The following KLHL8 variants were observed in gnomAD, a reference collection of about 807,000 sequenced individuals.
KLHL8 encodes the protein kelch-like protein 8.
Under a neutral mutation model 63.5 loss-of-function variants are expected in KLHL8, and 38 were observed. The ratio of observed to expected loss-of-function variants is 0.60; its 90% CI spans 0.46 to 0.78. The LOEUF is 0.78. Ranked by LOEUF, KLHL8 falls within the 30% of genes least tolerant of loss-of-function variation. The probability of loss-of-function intolerance (pLI) is 0.00; values close to 1 mark genes in which losing one functional copy is unlikely to be tolerated. For synonymous variants in KLHL8, 224 were observed against 254.3 expected (o/e 0.88, Z 1.13); for missense variants, 566 against 752.4 (o/e 0.75, Z 2.90).
chr4:87,178,237 T>C (rs1404696608), intron 5 of KLHL8, among the ~76,000 whole-genome samples: 1 of 152,240 alleles, frequency 6.6e-6, no homozygotes, highest in Non-Finnish European at 1.5e-5. Flanking sequence ...TTTAGTTTTT[T>C]GGTAACTATA....
chr4:87,205,672 C>A (rs1029603689), intron 1 of KLHL8, among the ~76,000 whole-genome samples: 1 of 152,086 alleles, frequency 6.6e-6, no homozygotes, highest in Non-Finnish European at 1.5e-5. Context: ...CCATGTTGCC[C>A]AGGCTGGTCT....
intron 1 of KLHL8, among the ~76,000 whole-genome samples, chr4:87,214,654 C>T (rs916577669): frequency 5.3e-5 from 8 of 151,828 alleles, no homozygotes; most frequent in African/African-American, 1.9e-4. Flanking sequence ...AAAGCCCAAG[C>T]TCTTATCACT....
chr4:87,163,795 G>T, intron 9 of KLHL8, 83 bp downstream of exon 9: 1 of 1,529,170 alleles, frequency 6.5e-7, no homozygotes, highest in South Asian at 1.2e-5. Flanking sequence ...TATTAACTAC[G>T]ACTAGCAACA....
At chr4:87,176,341 T>C (rs1730815844) in intron 6 of KLHL8, among the ~76,000 whole-genome samples, 1 of 152,174 alleles carries the variant, frequency 6.6e-6, no homozygotes, top group Admixed American at 6.5e-5. Flanking sequence ...CTAGCAGCAA[T>C]TTTCCCATCC....
chr4:87,202,364 C>G (rs1731953210), intron 1 of KLHL8, among the ~76,000 whole-genome samples: 1 of 152,120 alleles, frequency 6.6e-6, no homozygotes, highest in African/African-American at 2.4e-5. Context: ...AGGTGATCCA[C>G]CTGCCTCAGC....
At chr4:87,238,726 T>G (rs866527990) in intron 1 of KLHL8, among the ~76,000 whole-genome samples, 8 of 152,286 alleles carry the variant, frequency 5.3e-5, no homozygotes, top group Non-Finnish European at 1.0e-4. Flanking sequence ...GTATTGGACT[T>G]ATTTGTATTT....
At chr4:87,228,607 G>T (rs1733074820) in intron 1 of KLHL8, among the ~76,000 whole-genome samples, 1 of 152,178 alleles carries the variant, frequency 6.6e-6, no homozygotes, top group Non-Finnish European at 1.5e-5. Flanking sequence ...AGCCTTTCAG[G>T]CTTTCTTTAC....
At chr4:87,223,492 A>T (rs1255220227), upstream of KLHL8, among the ~76,000 whole-genome samples, 1 of 152,172 alleles carries the variant, frequency 6.6e-6, no homozygotes, top group Non-Finnish European at 1.5e-5. Context: ...GGAAATACGC[A>T]GTAGACAAAA....
At chr4:87,165,384 T>C (rs1392376355) in intron 8 of KLHL8, among the ~76,000 whole-genome samples, 1 of 151,794 alleles carries the variant, frequency 6.6e-6, no homozygotes, top group Non-Finnish European at 1.5e-5. Context: ...AGATTAAGGG[T>C]TTTTTTAAAT....
At chr4:87,182,044 C>T (rs1236048612) in intron 4 of KLHL8, among the ~76,000 whole-genome samples, 2 of 151,690 alleles carry the variant, frequency 1.3e-5, no homozygotes, top group Admixed American at 6.6e-5. Flanking sequence ...CTGGCTAACA[C>T]GGTGAAACCC....
At chr4:87,168,722 GTA>G (rs199567465) in intron 8 of KLHL8, among the ~76,000 whole-genome samples, 112 of 143,084 alleles carry the variant, frequency 7.8e-4, no homozygotes, top group African/African-American at 2.5e-3. Flanking sequence ...ATATATATAC[GTA>G]TATATATGTG....
At chr4:87,203,213 G>T (rs371947586) in intron 1 of KLHL8, among the ~76,000 whole-genome samples, 59 of 152,230 alleles carry the variant, frequency 3.9e-4, no homozygotes, top group African/African-American at 1.4e-3. Flanking sequence ...GGAACAGCTA[G>T]AACTAGTAAG....
intron 1 of KLHL8, among the ~76,000 whole-genome samples, chr4:87,231,593 C>G (rs1336141116): frequency 6.6e-6 from 1 of 151,976 alleles, no homozygotes; most frequent in Non-Finnish European, 1.5e-5. Context: ...CTATGTCCCA[C>G]AAATACTTCT....
At chr4:87,200,914 A>G (rs2110024267) in intron 1 of KLHL8, among the ~76,000 whole-genome samples, 3 of 152,338 alleles carry the variant, frequency 2.0e-5, no homozygotes, top group Admixed American at 2.0e-4. Flanking sequence ...GATAAATGGA[A>G]AAAGAAAATG....
At chr4:87,168,772 G>A (rs1005170140) in intron 8 of KLHL8, among the ~76,000 whole-genome samples, 6 of 134,690 alleles carry the variant, frequency 4.5e-5, no homozygotes, top group Non-Finnish European at 6.3e-5. Flanking sequence ...GTATATATAT[G>A]TGTATATATA....
chr4:87,209,368 T>C (rs1732294958), intron 1 of KLHL8, among the ~76,000 whole-genome samples: 1 of 151,966 alleles, frequency 6.6e-6, no homozygotes, highest in South Asian at 2.1e-4. Flanking sequence ...TGGCATATTA[T>C]GACAATGAAG....
At chr4:87,234,694 C>T (rs1018865620) in intron 1 of KLHL8, among the ~76,000 whole-genome samples, 2 of 151,914 alleles carry the variant, frequency 1.3e-5, no homozygotes, top group South Asian at 2.1e-4. Flanking sequence ...GAGTATACTC[C>T]TACTTATTTC....
chr4:87,236,497 G>A (rs991281055), intron 1 of KLHL8, among the ~76,000 whole-genome samples: 2 of 151,898 alleles, frequency 1.3e-5, no homozygotes, highest in Admixed American at 1.3e-4. Context: ...GTGAGCCACT[G>A]TGCCGGCCTA....
intron 6 of KLHL8, among the ~76,000 whole-genome samples, chr4:87,172,399 A>G (rs570706624): frequency 6.6e-6 from 1 of 152,340 alleles, no homozygotes; most frequent in African/African-American, 2.4e-5. Flanking sequence ...GACCCTAAGT[A>G]GAAAGCCTAG....
Sources: allele counts gnomAD v4.1 joint callset (sites outside exome capture counted in the v4.1 genomes callset), GRCh38; gene constraint gnomAD v4.1.1; transcripts MANE v1.5; gene names NCBI Gene and HGNC (gene_info 2026-07-23, HGNC 2026-07-21).